Variants in SYNPR observed in about 807,000 individuals in gnomAD.
The protein encoded by SYNPR is synaptoporin.
In SYNPR, 23 loss-of-function variants were observed where a neutral mutation model predicts 32.9. The ratio of observed to expected loss-of-function variants is 0.70; its 90% confidence interval spans 0.50 to 0.99. The LOEUF is 0.99. Ranked by LOEUF, SYNPR falls within the 50% of genes least tolerant of loss-of-function variation. The pLI is 0.00. For missense variants in SYNPR, 318 were observed against 349.3 expected (o/e 0.91, Z 0.71); for synonymous variants, 146 against 135.9 (o/e 1.07, Z -0.52).
intron 1 of SYNPR, among the ~76,000 whole-genome samples, chr3:63,236,887 C>A (rs1285921723): frequency 6.6e-6 from 1 of 152,016 alleles, no homozygotes; most frequent in Non-Finnish European, 1.5e-5. Flanking sequence ...GCTAGAATTT[C>A]CAATACTATG....
intron 3 of SYNPR, among the ~76,000 whole-genome samples, chr3:63,507,390 G>C (rs905484731): frequency 5.9e-5 from 9 of 151,894 alleles, no homozygotes; most frequent in African/African-American, 2.2e-4. Flanking sequence ...AAAAAAATCA[G>C]ACAAATCATA....
At chr3:63,370,215 T>A (rs2087778544) in intron 2 of SYNPR, among the ~76,000 whole-genome samples, 1 of 152,144 alleles carries the variant, frequency 6.6e-6, no homozygotes, top group South Asian at 2.1e-4. Flanking sequence ...CTCTAAAAGC[T>A]TCCCTAGGGG....
intron 3 of SYNPR, among the ~76,000 whole-genome samples, chr3:63,271,074 G>A (rs1046282428): frequency 7.0e-6 from 1 of 142,234 alleles, no homozygotes; most frequent in African/African-American, 2.6e-5. Context: ...TCTCTTTTAA[G>A]TGTTTATCAT....
intron 2 of SYNPR, among the ~76,000 whole-genome samples, chr3:63,371,608 G>T (rs1246086116): frequency 6.6e-6 from 1 of 152,076 alleles, no homozygotes; most frequent in African/African-American, 2.4e-5. Flanking sequence ...CTGCCCTCAG[G>T]TTCTAGAAGG....
At chr3:63,563,503 G>A (rs1162464786) in intron 4 of SYNPR, among the ~76,000 whole-genome samples, 2 of 152,040 alleles carry the variant, frequency 1.3e-5, no homozygotes, top group African/African-American at 4.8e-5. Flanking sequence ...AAATTGCTGA[G>A]AAAGTGCTCT....
At chr3:63,233,053 G>A in intron 1 of SYNPR, among the ~76,000 whole-genome samples, 1 of 152,196 alleles carries the variant, frequency 6.6e-6, no homozygotes, top group East Asian at 1.9e-4. Context: ...CAGGACAGAA[G>A]TAAGGAGAGT....
chr3:63,399,446 G>C (rs573411369), intron 2 of SYNPR, among the ~76,000 whole-genome samples: 1 of 152,050 alleles, frequency 6.6e-6, no homozygotes, highest in East Asian at 1.9e-4. Flanking sequence ...TTCTATAGGC[G>C]GTCTGGAAGT....
intron 3 of SYNPR, among the ~76,000 whole-genome samples, chr3:63,519,164 A>T (rs1469728556): frequency 6.6e-6 from 1 of 152,078 alleles, no homozygotes; most frequent in Admixed American, 6.6e-5. Context: ...TCGGCCTGCT[A>T]GTATTTGTTG....
chr3:63,382,436 C>T (rs1171450521), intron 2 of SYNPR, among the ~76,000 whole-genome samples: 1 of 152,226 alleles, frequency 6.6e-6, no homozygotes. Context: ...AGAAGTAAGG[C>T]CACAGTTGTT....
intron 2 of SYNPR, among the ~76,000 whole-genome samples, chr3:63,300,331 TTCTA>T (rs59249020): frequency 0.29 from 43,653 of 151,338 alleles, 7,463 homozygotes; most frequent in Non-Finnish European, 0.39. Context: ...CATTCTTTGC[TTCTA>T]TCTATCTATC....
intron 2 of SYNPR, among the ~76,000 whole-genome samples, chr3:63,288,918 G>A (rs1050160824): frequency 2.6e-5 from 4 of 152,232 alleles, no homozygotes; most frequent in South Asian, 2.1e-4. Context: ...ACTTAAAGAA[G>A]CATCAGTTTT....
upstream of SYNPR, among the ~76,000 whole-genome samples, chr3:63,223,496 T>C (rs2086105530): frequency 6.6e-6 from 1 of 151,940 alleles, no homozygotes; most frequent in African/African-American, 2.4e-5. Context: ...AGACATCTCA[T>C]GATTTGTGGC....
intron 2 of SYNPR, among the ~76,000 whole-genome samples, chr3:63,432,048 G>C (rs1048508984): frequency 2.6e-5 from 4 of 152,110 alleles, no homozygotes; most frequent in African/African-American, 9.7e-5. Context: ...GCTTGCAGGA[G>C]CCAATAAGAG....
chr3:63,534,760 T>G (rs1702172648), intron 3 of SYNPR, among the ~76,000 whole-genome samples: 1 of 152,148 alleles, frequency 6.6e-6, no homozygotes, highest in African/African-American at 2.4e-5. Flanking sequence ...CTGTGTATGA[T>G]GAGGTAACGT....
chr3:63,349,333 C>G (rs947235233), intron 2 of SYNPR, among the ~76,000 whole-genome samples: 4 of 144,080 alleles, frequency 2.8e-5, no homozygotes, highest in Non-Finnish European at 4.7e-5. Context: ...AACTCCTGAC[C>G]TTGTGATCCG....
At chr3:63,575,864 A>G (rs1361452297) in intron 4 of SYNPR, among the ~76,000 whole-genome samples, 2 of 152,190 alleles carry the variant, frequency 1.3e-5, no homozygotes, top group African/African-American at 4.8e-5. Context: ...CTGAGGCTTC[A>G]CATTAACTTT....
intron 2 of SYNPR, among the ~76,000 whole-genome samples, chr3:63,254,158 G>A (rs1376053556): frequency 6.6e-6 from 1 of 152,074 alleles, no homozygotes; most frequent in Admixed American, 6.6e-5. Context: ...TCACACACCG[G>A]GGCGTGTTGT....
chr3:63,405,226 G>A (rs1054319893), intron 2 of SYNPR, among the ~76,000 whole-genome samples: 4 of 152,118 alleles, frequency 2.6e-5, no homozygotes, highest in Admixed American at 1.3e-4. Context: ...CTATGGAAAG[G>A]GGCTTCAGAA....
chr3:63,267,573 C>T (rs2086500739), intron 3 of SYNPR: 1 of 152,160 alleles, frequency 6.6e-6, no homozygotes, highest in South Asian at 2.1e-4. Flanking sequence ...CCTGCTCCAC[C>T]ACCCCTTCTT....
Sources: allele counts gnomAD v4.1 joint callset (sites outside exome capture counted in the v4.1 genomes callset), GRCh38; gene constraint gnomAD v4.1.1; transcripts MANE v1.5; gene names NCBI Gene and HGNC (gene_info 2026-07-23, HGNC 2026-07-21).